The following TTL variants were observed in gnomAD, a reference collection of about 807,000 sequenced individuals.
TTL encodes the protein tubulin--tyrosine ligase.
A neutral mutation model predicts 41.1 loss-of-function variants in TTL; 10 were observed. That is an observed-to-expected ratio of 0.24 (90% confidence interval 0.15 to 0.41). TTL has a LOEUF of 0.41. Ranked by LOEUF, TTL falls within the 10% of genes least tolerant of loss-of-function variation. The probability of loss-of-function intolerance (pLI) is 1.00; values close to 1 mark genes in which losing one functional copy is unlikely to be tolerated. For synonymous variants in TTL, 175 were observed against 175.5 expected (o/e 1.00, Z 0.02); for missense variants, 367 against 460.4 (o/e 0.80, Z 1.86).
Position 112,532,573 on chromosome 2 carries a change from A to G in TTL, c.*3778A>G. 5.1e-6 allele frequency: 1 copy of G among 196,230 alleles called. No individual in the cohort carries two copies. 12.2% of individuals were successfully genotyped at this position (196,230 alleles called of 1,614,324 possible). On this transcript the variant is annotated 3_prime_UTR_variant, in exon 7 of 7. Coordinates refer to ENST00000233336, the MANE Select transcript of TTL (RefSeq NM_153712.5). Reference sequence around the variant, plus strand: ...TGAGGCTGCAGTGAACCATGTTCACACCACTGTACTCTAGCTTGAGCAACA... The same window carrying G: ...TGAGGCTGCAGTGAACCATGTTCACGCCACTGTACTCTAGCTTGAGCAACA...
intron 5 of TTL, among the ~76,000 whole-genome samples, chr2:112,517,760 T>C (rs1682109206): frequency 6.6e-6 from 1 of 150,586 alleles, no homozygotes; most frequent in South Asian, 2.1e-4. Context: ...CTGGGCAACA[T>C]GACAAACCTC....
intron 6 of TTL, 50 bp downstream of exon 6, chr2:112,520,475 G>T: frequency 6.2e-7 from 1 of 1,603,772 alleles, no homozygotes; most frequent in South Asian, 1.1e-5. Context: ...TGGTTCTGCA[G>T]TTGGGATAGT....
Position 112,531,571 on chromosome 2 carries a change from C to T in TTL, c.*2776C>T, listed in dbSNP as rs1041732122. 3.1e-5 allele frequency: 7 copies of T among 229,308 alleles called. No individual in the cohort carries two copies. Among genetic ancestry groups the T allele is most frequent in the East Asian group, 6.2e-5 (1 of 16,038 alleles). 14.2% of individuals were successfully genotyped at this position (229,308 alleles called of 1,614,324 possible). A position where few individuals can be genotyped will look rare whatever the true frequency, so the allele number is the denominator to read the frequency against. ...AGTGCCCACTCTTCCCCTGTACCCC[C>T]GGACAGTTAAATCAGAACCTCAGAC... On this transcript the variant is annotated 3_prime_UTR_variant, in exon 7 of 7. Transcript: ENST00000233336.
At chr2:112,483,130 GT>G (rs1192990160) in intron 1 of TTL, 7 of 152,310 alleles carry the variant, frequency 4.6e-5, no homozygotes, top group Admixed American at 4.6e-4. Context: ...CAAATAATGT[GT>G]TTTCGCAGTT....
Position 112,535,129 on chromosome 2 carries a change from A to C in TTL, c.*6334A>C, listed in dbSNP as rs1682576947. 6.6e-6 allele frequency: 1 copy of C among 152,202 alleles called. No homozygotes were observed. The highest frequency in any genetic ancestry group is 1.5e-5 in the Non-Finnish European group (1 of 68,040). 9.4% of individuals were successfully genotyped at this position (152,202 alleles called of 1,614,324 possible). A position where few individuals can be genotyped will look rare whatever the true frequency, so the allele number is the denominator to read the frequency against. On this transcript the variant is annotated 3_prime_UTR_variant, in exon 7 of 7. Coordinates refer to ENST00000233336, the MANE Select transcript of TTL (RefSeq NM_153712.5). ...TAGTTTATAAAATAGAACCAAGTAG[A>C]AATTTTAGAGTTGCAAAGTACAAAA...
At chr2:112,499,255 T>A (rs148484193) in intron 3 of TTL, among the ~76,000 whole-genome samples, 2,217 of 151,242 alleles carry the variant, frequency 0.015, 49 homozygotes, top group African/African-American at 0.051. Flanking sequence ...CAGAGGTTGC[T>A]GTGAGCCGAG....
intron 4 of TTL, 108 bp from the exon 5 acceptor site, chr2:112,502,804 C>T: frequency 7.9e-7 from 1 of 1,273,762 alleles, no homozygotes; most frequent in East Asian, 2.3e-5. Flanking sequence ...TAGTTGCCTC[C>T]CACTCCTTAC....
chr2:112,534,576 C>G lies in TTL; in HGVS notation c.*5781C>G, dbSNP rs1682566291. The G allele has an allele frequency of 2.0e-5, 3 of 152,410 alleles. No homozygotes were observed. The South Asian group carries it at 6.2e-4, about 32-fold the overall frequency. The allele number at this position is 152,410 out of a possible 1,614,324, so 9.4% of individuals were successfully genotyped here. A position where few individuals can be genotyped will look rare whatever the true frequency, so the allele number is the denominator to read the frequency against. ...GGTAGTTCCATGTAAGTCCCTACTC[C>G]TAGGTCTTGTCTTTATTTGATGTGA... On this transcript the variant is annotated 3_prime_UTR_variant, in exon 7 of 7. Coordinates refer to ENST00000233336, the MANE Select transcript of TTL (RefSeq NM_153712.5).
chr2:112,500,373 C>T (rs936856877), intron 3 of TTL, among the ~76,000 whole-genome samples: 6 of 152,012 alleles, frequency 3.9e-5, no homozygotes, highest in Admixed American at 3.9e-4. Context: ...AAGACCAAGA[C>T]CATCCTGGCC....
rs1682563435 is a variant in TTL at position 112,534,394 on chromosome 2, T to C, written c.*5599T>C. On this transcript the variant is annotated 3_prime_UTR_variant, in exon 7 of 7. Coordinates refer to ENST00000233336, the MANE Select transcript of TTL (RefSeq NM_153712.5). ...AAAAGCAAGCTTTCTGACATTTTAA[T>C]GTACCCTATTCCCACTCCCCCTTTC... The C allele has an allele frequency of 6.6e-6, 1 of 151,094 alleles. No individual in the cohort carries two copies. The highest frequency in any genetic ancestry group is 2.0e-4 in the East Asian group (1 of 5,126). 9.4% of individuals were successfully genotyped at this position (151,094 alleles called of 1,614,324 possible).
In TTL at chr2:112,538,352, T is replaced by C. The variant is rs1230081656; in HGVS notation, c.*9557T>C. 1.3e-5 allele frequency: 2 copies of C among 152,144 alleles called. No homozygotes were observed. The highest frequency in any genetic ancestry group is 2.9e-5 in the Non-Finnish European group (2 of 68,024). 9.4% of individuals were successfully genotyped at this position (152,144 alleles called of 1,614,324 possible). A position where few individuals can be genotyped will look rare whatever the true frequency, so the allele number is the denominator to read the frequency against. ...TAGCAGACCAATAATCTCTTGGGAATACAAACGGAAAAAATCTTCAACAAA... is the reference window on the plus strand; with the variant it reads ...TAGCAGACCAATAATCTCTTGGGAACACAAACGGAAAAAATCTTCAACAAA... On this transcript the variant is annotated 3_prime_UTR_variant, in exon 7 of 7. Coordinates refer to ENST00000233336, the MANE Select transcript of TTL (RefSeq NM_153712.5).
intron 5 of TTL, among the ~76,000 whole-genome samples, chr2:112,517,939 G>A (rs1411786596): frequency 1.3e-5 from 2 of 148,426 alleles, no homozygotes; most frequent in African/African-American, 4.9e-5. Flanking sequence ...GACAGAGTGA[G>A]ACCCTGTCTC....
At chr2:112,517,156 C>CAAAAAA (rs33990458) in intron 5 of TTL, among the ~76,000 whole-genome samples, 1 of 105,606 alleles carries the variant, frequency 9.5e-6, no homozygotes, top group African/African-American at 3.5e-5. Context: ...GAGCTTTCAG[C>CAAAAAA]AAAAAAAAAA....
At position 112,536,640 on chromosome 2, in the gene TTL, A is replaced by G. The variant is rs1682603567; in HGVS notation, c.*7845A>G. 1.3e-5 allele frequency: 2 copies of G among 152,308 alleles called. No individual in the cohort carries two copies. The highest frequency in any genetic ancestry group is 2.1e-4 in the South Asian group (1 of 4,828). The allele number at this position is 152,308 out of a possible 1,614,324, so 9.4% of individuals were successfully genotyped here. A position where few individuals can be genotyped will look rare whatever the true frequency, so the allele number is the denominator to read the frequency against. On this transcript the variant is annotated 3_prime_UTR_variant, in exon 7 of 7. Coordinates refer to ENST00000233336, the MANE Select transcript of TTL (RefSeq NM_153712.5). ...AGATCCCATTACCCAAGTAGTAAGCATAGTACCTAATGGTTAGCTTTCCAA... is the reference window on the plus strand; with the variant it reads ...AGATCCCATTACCCAAGTAGTAAGCGTAGTACCTAATGGTTAGCTTTCCAA...
At chr2:112,491,700 A>C (rs1681393705) in intron 2 of TTL, among the ~76,000 whole-genome samples, 1 of 152,174 alleles carries the variant, frequency 6.6e-6, no homozygotes, top group East Asian at 1.9e-4. Context: ...GATTTTAGCC[A>C]CTAGTTTCAT....
intron 6 of TTL, among the ~76,000 whole-genome samples, chr2:112,527,880 G>A (rs895301379): frequency 1.3e-5 from 2 of 152,108 alleles, no homozygotes; most frequent in African/African-American, 2.4e-5. Flanking sequence ...TATTTTGCCC[G>A]TTAGTTGATG....
At chr2:112,512,510 C>T (rs1559016971) in intron 5 of TTL, among the ~76,000 whole-genome samples, 1 of 152,152 alleles carries the variant, frequency 6.6e-6, no homozygotes, top group Non-Finnish European at 1.5e-5. Flanking sequence ...GATCCGTCCA[C>T]CTCGGCCTCC....
intron 2 of TTL, among the ~76,000 whole-genome samples, chr2:112,487,831 A>G (rs1038529683): frequency 6.6e-6 from 1 of 152,194 alleles, no homozygotes; most frequent in Non-Finnish European, 1.5e-5. Flanking sequence ...ATTCCAGGAT[A>G]TGATGCTTCC....
chr2:112,518,573 G>T (rs1682135289), intron 5 of TTL, among the ~76,000 whole-genome samples: 1 of 151,986 alleles, frequency 6.6e-6, no homozygotes, highest in Non-Finnish European at 1.5e-5. Flanking sequence ...GTTCACAAAG[G>T]CCTCAGTTCT....
Sources: allele counts gnomAD v4.1 joint callset (sites outside exome capture counted in the v4.1 genomes callset), GRCh38; gene constraint gnomAD v4.1.1; transcripts MANE v1.5; gene names NCBI Gene and HGNC (gene_info 2026-07-23, HGNC 2026-07-21).